TRMT9B: variants seen among roughly 807,000 people sequenced by gnomAD.
The protein encoded by TRMT9B is tRNA methyltransferase 9B (putative), also known as probable tRNA methyltransferase 9B.
Under a neutral mutation model 11.5 loss-of-function variants are expected in TRMT9B, and 16 were observed. The ratio of observed to expected loss-of-function variants is 1.39; its 90% CI spans 0.94 to 2.11. TRMT9B has a LOEUF of 2.11. Among genes scored for constraint, TRMT9B ranks in the 30% most tolerant of loss-of-function variants. The pLI is 0.00. For missense variants in TRMT9B, 941 were observed against 553.8 expected, an observed-to-expected ratio of 1.70 and a Z score of -7.02; for synonymous variants, 274 against 192.4, an observed-to-expected ratio of 1.42 and a Z score of -3.51.
chr8:13,011,478 C>T (rs1437867973), intron 3 of TRMT9B: 1 of 984,112 alleles, frequency 1.0e-6, no homozygotes, highest in South Asian at 4.7e-5. Flanking sequence ...AGAAAAATTT[C>T]ATCAGTAATG....
chr8:13,012,572 C>T, intron 3 of TRMT9B, 112 bp from the exon 4 acceptor site: 1 of 1,350,170 alleles, frequency 7.4e-7, no homozygotes, highest in Non-Finnish European at 9.8e-7. Context: ...GAGACTCTGT[C>T]TCAAAATAAA....
In TRMT9B at chr8:12,987,692, C is replaced by CA. The variant is rs35989832; in HGVS notation, c.-199-3131dup. On this transcript the variant is annotated intron_variant, in intron 1 of 4. Transcript: ENST00000524591. ...GGGCAACAGAATGAATACCCTGTCT[C>CA]AAAAAAAAAAATGCATTTAATACAA... Among the ~76,000 whole-genome samples the CA allele has an allele frequency of 1.2e-3, 176 of 151,102 alleles. 2 individuals are homozygous for CA. Among genetic ancestry groups the CA allele is most frequent in the African/African-American group, 3.9e-3 (159 of 41,072 alleles).
At chr8:12,987,062 G>C (rs1563365543) in intron 1 of TRMT9B, among the ~76,000 whole-genome samples, 1 of 152,174 alleles carries the variant, frequency 6.6e-6, no homozygotes. Context: ...CTCTCTTCCA[G>C]CCTCTTATTT....
chr8:12,977,393 C>G (rs980540098), intron 1 of TRMT9B, among the ~76,000 whole-genome samples: 8 of 152,152 alleles, frequency 5.3e-5, no homozygotes, highest in African/African-American at 1.9e-4. Context: ...CCATGACCAT[C>G]TTATTTTCTT....
intron 1 of TRMT9B, among the ~76,000 whole-genome samples, chr8:12,987,323 A>G (rs1806492704): frequency 6.6e-6 from 1 of 152,182 alleles, no homozygotes; most frequent in African/African-American, 2.4e-5. Flanking sequence ...CAAATAATTA[A>G]TACAGACACT....
chr8:13,019,185 A>G (rs1212020337), intron 4 of TRMT9B, among the ~76,000 whole-genome samples: 1 of 152,196 alleles, frequency 6.6e-6, no homozygotes, highest in African/African-American at 2.4e-5. Flanking sequence ...AATAATGAAG[A>G]TGGATTGTAT....
chr8:12,997,069 A>G (rs993589559), intron 2 of TRMT9B, among the ~76,000 whole-genome samples: 1 of 151,614 alleles, frequency 6.6e-6, no homozygotes, highest in Non-Finnish European at 1.5e-5. Flanking sequence ...ACGGAATCCA[A>G]CAGTGTGTAT....
chr8:12,982,639 G>A (rs1805597900), intron 1 of TRMT9B, among the ~76,000 whole-genome samples: 1 of 151,346 alleles, frequency 6.6e-6, no homozygotes, highest in Admixed American at 6.6e-5. Flanking sequence ...TCCAGCCTGG[G>A]CAACAGAGAG....
intron 1 of TRMT9B, among the ~76,000 whole-genome samples, chr8:12,989,208 C>CTCCT (rs1202209087): frequency 6.6e-6 from 1 of 152,030 alleles, no homozygotes; most frequent in Non-Finnish European, 1.5e-5. Context: ...AGAAGATGGC[C>CTCCT]TCCTGTTTAG....
rs578397 is a variant in TRMT9B, at chr8:13,027,411, A to T, written c.*5367A>T. On this transcript the variant is annotated 3_prime_UTR_variant, in exon 5 of 5. Coordinates refer to ENST00000524591, the MANE Select transcript of TRMT9B (RefSeq NM_020844.3). Reference sequence around the variant, plus strand: ...CTAAAGCTTGGACTTAATCTAGCTTACCCTAGACGTATTAACATCCTATAG... The same window carrying T: ...CTAAAGCTTGGACTTAATCTAGCTTTCCCTAGACGTATTAACATCCTATAG... 1.2e-5 allele frequency: 2 copies of T among 166,820 alleles called. No homozygotes were observed. The highest frequency in any genetic ancestry group is 4.1e-4 in the South Asian group (2 of 4,828). 10.3% of individuals were successfully genotyped at this position (166,820 alleles called of 1,614,324 possible).
chr8:12,956,601 G>C (rs1228970911), intron 1 of TRMT9B, among the ~76,000 whole-genome samples: 1 of 152,168 alleles, frequency 6.6e-6, no homozygotes, highest in Non-Finnish European at 1.5e-5. Context: ...CCCATTTAAT[G>C]AACCACAATA....
At chr8:12,988,647 C>G (rs1451424317) in intron 1 of TRMT9B, among the ~76,000 whole-genome samples, 1 of 152,146 alleles carries the variant, frequency 6.6e-6, no homozygotes, top group Non-Finnish European at 1.5e-5. Context: ...CTCTTGAGAA[C>G]TCACTCACTA....
chr8:13,001,403 G>A (rs1327839618), intron 2 of TRMT9B, among the ~76,000 whole-genome samples: 4 of 152,140 alleles, frequency 2.6e-5, no homozygotes, highest in African/African-American at 4.8e-5. Context: ...ACTCTGATGC[G>A]CATCCTTCTG....
In TRMT9B at chr8:13,021,686, A is replaced by T; in HGVS notation, c.1007A>T (p.Asp336Val). The change falls in exon 5 of 5, where the codon GAC becomes GTC. Residue 336 changes from aspartate (D) to valine (V), a missense_variant. Transcript: ENST00000524591. ...GGCACTCTGAAACATTTAAATGGAG[A>T]CCATCAAGGGGAAATGAGGAGAAAT... is the stretch of plus-strand genomic sequence containing the variant. ...APGTLKHLNG[D>V]HQGEMRRNGG... The T allele has an allele frequency of 6.2e-7, 1 of 1,613,950 alleles. No individual in the cohort carries two copies. Among genetic ancestry groups the T allele is most frequent in the East Asian group, 2.2e-5 (1 of 44,886 alleles).
At position 13,026,269 on chromosome 8, in the gene TRMT9B, T is replaced by C. The variant is rs552058570; in HGVS notation, c.*4225T>C. ...TTTCTAAATATGCAACATTCAACTATCGCAAGGACAAAAAACCAAACACCG... is the reference window on the plus strand; with the variant it reads ...TTTCTAAATATGCAACATTCAACTACCGCAAGGACAAAAAACCAAACACCG... On this transcript the variant is annotated 3_prime_UTR_variant, in exon 5 of 5. Coordinates refer to ENST00000524591, the MANE Select transcript of TRMT9B (RefSeq NM_020844.3). 8.4e-5 allele frequency: 14 copies of C among 167,172 alleles called. No individual in the cohort carries two copies. Among genetic ancestry groups the C allele is most frequent in the African/African-American group, 3.1e-4 (13 of 41,532 alleles). 10.4% of individuals were successfully genotyped at this position (167,172 alleles called of 1,614,324 possible). A position where few individuals can be genotyped will look rare whatever the true frequency, so the allele number is the denominator to read the frequency against.
chr8:13,020,939 AC>A, intron 4 of TRMT9B, 68 bp from the exon 5 acceptor site: 1 of 1,034,750 alleles, frequency 9.7e-7, no homozygotes, highest in South Asian at 1.9e-5. Context: ...TATATGGTAA[AC>A]ACCAGTGTAT....
In TRMT9B at chr8:13,024,770, CTCT is replaced by C. The variant is rs1563477075; in HGVS notation, c.*2729_*2731del. 1 of 167,008 alleles carries C rather than the reference CTCT, an allele frequency of 6.0e-6. No homozygotes were observed. The highest frequency in any genetic ancestry group is 2.4e-5 in the African/African-American group (1 of 41,440). 10.3% of individuals were successfully genotyped at this position (167,008 alleles called of 1,614,324 possible). On this transcript the variant is annotated 3_prime_UTR_variant, in exon 5 of 5. Transcript: ENST00000524591. ...AGCATGCTGACTAATAAGTCTTTTACTCTTCATCTAATGAACATAAGAATCTAT... is the reference window on the plus strand; with the variant it reads ...AGCATGCTGACTAATAAGTCTTTTACTCATCTAATGAACATAAGAATCTAT...
intron 3 of TRMT9B, among the ~76,000 whole-genome samples, chr8:13,009,025 G>C (rs1811055626): frequency 6.6e-6 from 1 of 152,048 alleles, no homozygotes; most frequent in Admixed American, 6.6e-5. Flanking sequence ...ACCGCGCCCG[G>C]CCGGTAATTT....
rs1052820841 is a variant in TRMT9B at position 13,028,356 on chromosome 8, A to C, written c.*6312A>C. On this transcript the variant is annotated 3_prime_UTR_variant, in exon 5 of 5. Coordinates refer to ENST00000524591, the MANE Select transcript of TRMT9B (RefSeq NM_020844.3). ...AGCTGCAGAAAGTAAAGTTTACTCC[A>C]ACCCAATTAATCATTAATACATCCA... The C allele has an allele frequency of 6.0e-6, 1 of 167,050 alleles. No individual in the cohort carries two copies. Among genetic ancestry groups the C allele is most frequent in the African/African-American group, 2.4e-5 (1 of 41,456 alleles). The allele number at this position is 167,050 out of a possible 1,614,324, so 10.3% of individuals were successfully genotyped here. A position where few individuals can be genotyped will look rare whatever the true frequency, so the allele number is the denominator to read the frequency against.
Sources: allele counts gnomAD v4.1 joint callset (sites outside exome capture counted in the v4.1 genomes callset), GRCh38; gene constraint gnomAD v4.1.1; transcripts MANE v1.5; gene names NCBI Gene and HGNC (gene_info 2026-07-23, HGNC 2026-07-21).